SGMS1: variants seen among roughly 807,000 people sequenced by gnomAD.
The protein encoded by SGMS1 is phosphatidylcholine:ceramide cholinephosphotransferase 1.
A neutral mutation model predicts 46.2 loss-of-function variants in SGMS1; 13 were observed. The observed-to-expected ratio is 0.28, with a 90% CI of 0.18 to 0.45. The LOEUF is 0.45. Ranked by LOEUF, SGMS1 falls within the 20% of genes least tolerant of loss-of-function variation. The pLI is 1.00. For synonymous variants in SGMS1, 203 were observed against 187.8 expected (o/e 1.08, Z -0.66); for missense variants, 324 against 519.9 (o/e 0.62, Z 3.66).
chr10:50,430,392 A>C (rs1462503916), intron 6 of SGMS1, among the ~76,000 whole-genome samples: 2 of 152,012 alleles, frequency 1.3e-5, no homozygotes, highest in Non-Finnish European at 2.9e-5. Context: ...ATTTCAAAAC[A>C]ATAGTAATAA....
chr10:50,355,523 C>A (rs1361745481), intron 6 of SGMS1, among the ~76,000 whole-genome samples: 1 of 152,220 alleles, frequency 6.6e-6, no homozygotes, highest in Non-Finnish European at 1.5e-5. Context: ...GATCTGCCAG[C>A]CTTGGCCTCC....
At chr10:50,506,369 A>G (rs1018512372) in intron 3 of SGMS1, among the ~76,000 whole-genome samples, 1 of 152,182 alleles carries the variant, frequency 6.6e-6, no homozygotes, top group Admixed American at 6.5e-5. Flanking sequence ...TTGGAGAAGG[A>G]ATTAAGCCTT....
At chr10:50,495,076 A>T (rs1018077316) in intron 3 of SGMS1, among the ~76,000 whole-genome samples, 37 of 147,182 alleles carry the variant, frequency 2.5e-4, no homozygotes, top group Non-Finnish European at 4.5e-4. Flanking sequence ...AAAAATACAA[A>T]AAAAAAAAAA....
chr10:50,542,211 G>C lies in SGMS1; in HGVS notation c.-588-22290C>G, dbSNP rs573091616. The stretch of plus-strand genomic sequence containing the variant: ...TTTTCGTTCTTCAAAGACTTCTACG[G>C]CATAAAATACATGGAAACAAAATTT... On this transcript the variant is annotated intron_variant, in intron 2 of 10. Transcript: ENST00000361781. 2.0e-5 allele frequency among the ~76,000 whole-genome samples: 3 copies of C among 152,150 alleles called. No individual in the cohort carries two copies. The East Asian group carries it at 5.8e-4, about 29-fold the overall frequency.
chr10:50,472,480 A>C (rs1374312451), intron 3 of SGMS1, among the ~76,000 whole-genome samples: 3 of 152,212 alleles, frequency 2.0e-5, no homozygotes, highest in Admixed American at 2.0e-4. Flanking sequence ...ATGTTGTTGC[A>C]AATGACAGAA....
intron 6 of SGMS1, among the ~76,000 whole-genome samples, chr10:50,370,804 T>C (rs1339432352): frequency 6.6e-6 from 1 of 151,068 alleles, no homozygotes; most frequent in Non-Finnish European, 1.5e-5. Context: ...GTCAGGATCA[T>C]CAATATTACT....
At chr10:50,369,815 T>C (rs1033662417) in intron 6 of SGMS1, among the ~76,000 whole-genome samples, 2 of 152,210 alleles carry the variant, frequency 1.3e-5, no homozygotes, top group Admixed American at 6.5e-5. Context: ...TTCTAAGAAA[T>C]GCATCATTAG....
In SGMS1 at chr10:50,427,453, A is replaced by G. The variant is rs372182585; in HGVS notation, c.-232+6023T>C. 2.2e-4 allele frequency among the ~76,000 whole-genome samples: 34 copies of G among 152,312 alleles called. No homozygotes were observed. The South Asian group carries it at 6.4e-3, about 29-fold the overall frequency. On this transcript the variant is annotated intron_variant, in intron 6 of 10. Coordinates refer to ENST00000361781, the MANE Select transcript of SGMS1 (RefSeq NM_147156.4). ...TGTCAAAGAAAGAACATATACCCTA[A>G]ACTAGTGAATGAGTCAGTATAAATT...
At chr10:50,618,261 G>A (rs1838816841) in intron 1 of SGMS1, among the ~76,000 whole-genome samples, 1 of 152,170 alleles carries the variant, frequency 6.6e-6, no homozygotes, top group African/African-American at 2.4e-5. Flanking sequence ...AAACTGGAAA[G>A]CTGACAGAAT....
At chr10:50,560,234 CATA>C (rs931803777) in intron 2 of SGMS1, among the ~76,000 whole-genome samples, 8 of 139,932 alleles carry the variant, frequency 5.7e-5, no homozygotes, top group South Asian at 2.2e-4. Context: ...TAATATATAA[CATA>C]ATATTATGTA....
At chr10:50,363,594 A>T (rs747182569) in intron 6 of SGMS1, among the ~76,000 whole-genome samples, 3 of 152,230 alleles carry the variant, frequency 2.0e-5, no homozygotes, top group Non-Finnish European at 2.9e-5. Context: ...AGTTGAAAGC[A>T]GTGGTATCTG....
At chr10:50,469,868 T>C (rs185324863) in intron 3 of SGMS1, among the ~76,000 whole-genome samples, 1 of 152,324 alleles carries the variant, frequency 6.6e-6, no homozygotes, top group East Asian at 1.9e-4. Flanking sequence ...AGATTAAAGT[T>C]CACAAAATTC....
At chr10:50,570,222 G>A (rs1838325529) in intron 2 of SGMS1, among the ~76,000 whole-genome samples, 2 of 152,142 alleles carry the variant, frequency 1.3e-5, no homozygotes, top group Admixed American at 6.5e-5. Context: ...AAAGCCACAC[G>A]ACAAGCATCT....
At chr10:50,533,275 TA>T (rs1837971389) in intron 2 of SGMS1, among the ~76,000 whole-genome samples, 1 of 152,222 alleles carries the variant, frequency 6.6e-6, no homozygotes, top group South Asian at 2.1e-4. Context: ...ATTTTAGGTT[TA>T]CTTTTTTTGT....
At chr10:50,524,745 T>C (rs1469760637) in intron 2 of SGMS1, among the ~76,000 whole-genome samples, 2 of 152,286 alleles carry the variant, frequency 1.3e-5, no homozygotes, top group African/African-American at 2.4e-5. Flanking sequence ...ACAGAGCTCA[T>C]AGGCTTTTCA....
chr10:50,607,297 G>A (rs1432432593), intron 1 of SGMS1, among the ~76,000 whole-genome samples: 1 of 152,024 alleles, frequency 6.6e-6, no homozygotes, highest in Admixed American at 6.6e-5. Flanking sequence ...ATTGTACTTT[G>A]TGTATAACAG....
At chr10:50,369,026 A>G (rs10508928) in intron 6 of SGMS1, among the ~76,000 whole-genome samples, 29,254 of 152,230 alleles carry the variant, frequency 0.19, 3,107 homozygotes, top group East Asian at 0.31. Context: ...ATATAACATC[A>G]AACATATGAA....
intron 2 of SGMS1, among the ~76,000 whole-genome samples, chr10:50,564,304 G>A (rs1212974974): frequency 6.6e-6 from 1 of 152,234 alleles, no homozygotes; most frequent in East Asian, 1.9e-4. Context: ...TAGAGGGCTA[G>A]CAAATGTCTG....
intron 2 of SGMS1, among the ~76,000 whole-genome samples, chr10:50,525,306 G>A (rs1331281388): frequency 6.6e-6 from 1 of 152,192 alleles, no homozygotes; most frequent in African/African-American, 2.4e-5. Flanking sequence ...GTGTGCCGCA[G>A]ATCCAATATG....
Sources: allele counts gnomAD v4.1 joint callset (sites outside exome capture counted in the v4.1 genomes callset), GRCh38; gene constraint gnomAD v4.1.1; transcripts MANE v1.5; gene names NCBI Gene and HGNC (gene_info 2026-07-23, HGNC 2026-07-21).